Variants in C2orf49 observed in about 807,000 individuals in gnomAD.
C2orf49 encodes tRNA-splicing ligase complex subunit ASW.
C2orf49 carries 11 observed loss-of-function variants against 20.6 expected under a neutral mutation model. The observed-to-expected ratio is 0.53, with a 90% CI of 0.34 to 0.88. The LOEUF is 0.88. Among genes scored for constraint, C2orf49 ranks in the 40% least tolerant of loss-of-function variants. The pLI is 0.02. For missense variants in C2orf49, 289 were observed against 274.2 expected (o/e 1.05, Z -0.38); for synonymous variants, 134 against 108.5 (o/e 1.24, Z -1.46).
At chr2:105,349,794 T>TA (rs1186252314), downstream of C2orf49, among the ~76,000 whole-genome samples, 1 of 152,174 alleles carries the variant, frequency 6.6e-6, no homozygotes, top group African/African-American at 2.4e-5. Context: ...CCTCTGAAGA[T>TA]ACTATATTTT....
At chr2:105,352,429 G>GTTTTTTTTTTTTTTT (rs61585149), downstream of C2orf49, among the ~76,000 whole-genome samples, 9 of 80,764 alleles carry the variant, frequency 1.1e-4, no homozygotes, top group Admixed American at 1.9e-4. Flanking sequence ...GTTTGTTTGG[G>GTTTTTTTTTTTTTTT]TTTTTTTTTT....
chr2:105,342,111 G>A (rs1679686302), intron 2 of C2orf49, among the ~76,000 whole-genome samples: 2 of 152,242 alleles, frequency 1.3e-5, no homozygotes, highest in African/African-American at 2.4e-5. Context: ...GGCAGAGGTT[G>A]CAGTGAGCCG....
the C2orf49 span, chr2:105,358,216 T>A: frequency 6.6e-6 from 1 of 152,244 alleles, no homozygotes; most frequent in Non-Finnish European, 1.5e-5. Context: ...AGATTTCTCG[T>A]TCTCCGTACC....
At chr2:105,368,121 G>A in the C2orf49 span, among the ~76,000 whole-genome samples, 3 of 152,186 alleles carry the variant, frequency 2.0e-5, no homozygotes, top group Admixed American at 2.0e-4. Flanking sequence ...TCTAGGGACT[G>A]TATTCACCTA....
At chr2:105,358,081 C>G in the C2orf49 span, 4 of 152,174 alleles carry the variant, frequency 2.6e-5, no homozygotes, top group Non-Finnish European at 5.9e-5. Flanking sequence ...CTCTGGTTTT[C>G]TGTGTTAAAC....
At chr2:105,338,807 GTTGAAA>G (rs1445204572) in intron 1 of C2orf49, among the ~76,000 whole-genome samples, 17 of 152,326 alleles carry the variant, frequency 1.1e-4, no homozygotes, top group African/African-American at 4.1e-4. Context: ...GCCTTTCTGA[GTTGAAA>G]TTGAAGAGCC....
the C2orf49 span, chr2:105,377,915 G>A: frequency 5.5e-5 from 22 of 396,682 alleles, no homozygotes; most frequent in Non-Finnish European, 9.8e-5. Context: ...GAGGCATTAC[G>A]CCCAGAGGGG....
chr2:105,342,823 C>A, intron 2 of C2orf49, 25 bp from the exon 3 acceptor site: 2 of 1,579,708 alleles, frequency 1.3e-6, no homozygotes, highest in Non-Finnish European at 1.7e-6. Context: ...TGGTATTTTT[C>A]AAGAGTGCAT....
At chr2:105,337,821 C>G (rs1385102233) in intron 1 of C2orf49, 135 bp downstream of exon 1, 11 of 729,496 alleles carry the variant, frequency 1.5e-5, no homozygotes, top group Non-Finnish European at 2.4e-5. Context: ...CCCACACAGA[C>G]CAGGCAGCTG....
chr2:105,351,693 G>C (rs994060418), downstream of C2orf49, among the ~76,000 whole-genome samples: 1 of 152,048 alleles, frequency 6.6e-6, no homozygotes, highest in Non-Finnish European at 1.5e-5. Flanking sequence ...GGATGCTCTA[G>C]CGTCATTTTG....
the C2orf49 span, chr2:105,378,441 A>G: frequency 1.4e-5 from 4 of 287,454 alleles, no homozygotes; most frequent in Admixed American, 9.3e-5. Context: ...CCTGGGAACC[A>G]TTTCGCCTTG....
rs1366771718 is a variant in C2orf49 at position 105,346,774 on chromosome 2, G to A, written c.*1403G>A. ...AATTCCCACATGGCTGTTCTACACAGAATTACCTGCTAAGATTTTTTGTTT... is the reference window on the plus strand; with the variant it reads ...AATTCCCACATGGCTGTTCTACACAAAATTACCTGCTAAGATTTTTTGTTT... On this transcript the variant is annotated 3_prime_UTR_variant, in exon 4 of 4. Coordinates refer to ENST00000258457, the MANE Select transcript of C2orf49 (RefSeq NM_024093.3). 1 of 152,184 alleles carries A rather than the reference G, an allele frequency of 6.6e-6. No individual in the cohort carries two copies. The highest frequency in any genetic ancestry group is 1.5e-5 in the Non-Finnish European group (1 of 68,040). The allele number at this position is 152,184 out of a possible 1,614,324, so 9.4% of individuals were successfully genotyped here. A position where few individuals can be genotyped will look rare whatever the true frequency, so the allele number is the denominator to read the frequency against.
chr2:105,383,613 C>A, the C2orf49 span, among the ~76,000 whole-genome samples: 2 of 152,204 alleles, frequency 1.3e-5, no homozygotes, highest in African/African-American at 4.8e-5. Flanking sequence ...AGGGAAGTAG[C>A]TGAGGCCTGT....
intron 2 of C2orf49, among the ~76,000 whole-genome samples, chr2:105,341,329 A>C (rs1303520622): frequency 6.6e-6 from 1 of 152,132 alleles, no homozygotes; most frequent in Non-Finnish European, 1.5e-5. Flanking sequence ...AGGATCTTTG[A>C]CTCTATTTTT....
chr2:105,383,071 A>G, the C2orf49 span, among the ~76,000 whole-genome samples: 1 of 152,142 alleles, frequency 6.6e-6, no homozygotes, highest in African/African-American at 2.4e-5. Flanking sequence ...TTTTTAGTAG[A>G]GACGGGGTTT....
the C2orf49 span, among the ~76,000 whole-genome samples, chr2:105,366,717 C>A: frequency 2.0e-5 from 3 of 152,144 alleles, no homozygotes; most frequent in South Asian, 6.2e-4. Flanking sequence ...ACTGGAATAG[C>A]ACATTATCGA....
intron 2 of C2orf49, among the ~76,000 whole-genome samples, chr2:105,340,208 G>A (rs1376053391): frequency 2.6e-5 from 4 of 152,184 alleles, no homozygotes; most frequent in Non-Finnish European, 4.4e-5. Context: ...GGGGGCAAAC[G>A]GGAGAGATTG....
At chr2:105,374,984 GA>G in the C2orf49 span, among the ~76,000 whole-genome samples, 1 of 152,304 alleles carries the variant, frequency 6.6e-6, no homozygotes. Context: ...GCCTGCCCAC[GA>G]TGTCTCTGTT....
At chr2:105,355,777 TG>T in the C2orf49 span, among the ~76,000 whole-genome samples, 1 of 58,890 alleles carries the variant, frequency 1.7e-5, no homozygotes, top group East Asian at 3.5e-4. Flanking sequence ...ATTTTGTGTG[TG>T]TGTGTGTGTG....
Sources: allele counts gnomAD v4.1 joint callset (sites outside exome capture counted in the v4.1 genomes callset), GRCh38; gene constraint gnomAD v4.1.1; transcripts MANE v1.5; gene names NCBI Gene and HGNC (gene_info 2026-07-23, HGNC 2026-07-21).